NALF1: variants seen among roughly 807,000 people sequenced by gnomAD.
NALF1 encodes NALCN channel auxiliary factor 1, also known as family with sequence similarity 155 member A.
In NALF1, 3 loss-of-function variants were observed where a neutral mutation model predicts 48.4. That is an observed-to-expected ratio of 0.06 (90% CI 0.03 to 0.16). NALF1 has a LOEUF of 0.16. Among genes scored for constraint, NALF1 ranks in the 10% least tolerant of loss-of-function variants. The pLI is 1.00. For synonymous variants in NALF1, 262 were observed against 245.7 expected (o/e 1.07, Z -0.62); for missense variants, 526 against 571.5 (o/e 0.92, Z 0.81).
chr13:107,309,531 A>G (rs549835896), intron 1 of NALF1, among the ~76,000 whole-genome samples: 2 of 152,306 alleles, frequency 1.3e-5, no homozygotes, highest in Non-Finnish European at 2.9e-5. Context: ...CTGACATTTA[A>G]TCAACTAGCA....
intron 1 of NALF1, among the ~76,000 whole-genome samples, chr13:107,469,733 C>CTTTTTTTTTTTTTTTTTTTTTT (rs61241553): frequency 1.3e-5 from 1 of 79,970 alleles, no homozygotes; most frequent in African/African-American, 5.3e-5. Context: ...AACTGTGTAT[C>CTTTTTTTTTTTTTTTTTTTTTT]TTTTTTTTTT....
intron 1 of NALF1, among the ~76,000 whole-genome samples, chr13:107,264,223 CTT>C (rs1880996981): frequency 1.3e-5 from 2 of 151,928 alleles, no homozygotes; most frequent in African/African-American, 4.9e-5. Context: ...ATATTGCCAA[CTT>C]AATAATTATC....
intron 1 of NALF1, among the ~76,000 whole-genome samples, chr13:107,447,645 A>T (rs968730384): frequency 6.6e-6 from 1 of 152,130 alleles, no homozygotes; most frequent in Non-Finnish European, 1.5e-5. Flanking sequence ...GGAAGCAGGC[A>T]CAGAAAGTAG....
Position 107,726,912 on chromosome 13 carries a change from CTTGTGTGT to C in NALF1, c.915+138762_915+138769del, listed in dbSNP as rs1316371159. ...AGACACCACGCCCGGCCGGCAAATT[CTTGTGTGT>C]GTGTGTGTGTGTGTGTGTGTGTGTG... On this transcript the variant is annotated intron_variant, in intron 1 of 2. Coordinates refer to ENST00000375915, the MANE Select transcript of NALF1 (RefSeq NM_001080396.3). Among the ~76,000 whole-genome samples the C allele has an allele frequency of 5.9e-4, 57 of 97,420 alleles. 1 individual carries two copies. The East Asian group carries it at 7.8e-3, about 13-fold the overall frequency. 63.9% of individuals were successfully genotyped at this position (97,420 alleles called of 152,430 possible).
chr13:107,670,779 T>C (rs548301601), intron 1 of NALF1, among the ~76,000 whole-genome samples: 2 of 152,266 alleles, frequency 1.3e-5, no homozygotes, highest in South Asian at 4.1e-4. Flanking sequence ...TAAGACGTTT[T>C]CTGAAAATTA....
chr13:107,243,558 A>G (rs1880520081), intron 1 of NALF1, among the ~76,000 whole-genome samples: 1 of 152,212 alleles, frequency 6.6e-6, no homozygotes, highest in African/African-American at 2.4e-5. Flanking sequence ...CTTTGTTGAT[A>G]CAGAATTCTT....
intron 1 of NALF1, among the ~76,000 whole-genome samples, chr13:107,680,746 T>TGA (rs76532053): frequency 0.86 from 129,172 of 149,588 alleles, 56,838 homozygotes; most frequent in Non-Finnish European, 0.94. Flanking sequence ...TGAATGTGCA[T>TGA]GAGTGTAAGA....
chr13:107,538,515 T>C (rs891832975), intron 1 of NALF1, among the ~76,000 whole-genome samples: 1 of 152,190 alleles, frequency 6.6e-6, no homozygotes, highest in African/African-American at 2.4e-5. Flanking sequence ...AGGACCTACA[T>C]GGAGTTCTAA....
intron 1 of NALF1, among the ~76,000 whole-genome samples, chr13:107,385,087 T>C (rs1461664912): frequency 6.6e-6 from 1 of 152,226 alleles, no homozygotes. Context: ...TTGGCACATA[T>C]TAAGGAGTAA....
intron 1 of NALF1, among the ~76,000 whole-genome samples, chr13:107,283,596 G>A (rs1436214805): frequency 1.3e-5 from 2 of 151,898 alleles, no homozygotes; most frequent in Non-Finnish European, 2.9e-5. Flanking sequence ...TCTGGTTCTG[G>A]ATGAAGCAGA....
In NALF1 at chr13:107,539,847, A is replaced by G. The variant is rs183015072; in HGVS notation, c.915+325835T>C. On this transcript the variant is annotated intron_variant, in intron 1 of 2. Coordinates refer to ENST00000375915, the MANE Select transcript of NALF1 (RefSeq NM_001080396.3). ...GACTCAAACTCAGTTCTATGACTCC[A>G]ATTCACAAATTCTTGACTAGTATGA... 7.8e-3 allele frequency among the ~76,000 whole-genome samples: 1,182 copies of G among 152,254 alleles called. 10 individuals are homozygous for G. The highest frequency in any genetic ancestry group is 0.012 in the Non-Finnish European group (834 of 68,004).
intron 1 of NALF1, among the ~76,000 whole-genome samples, chr13:107,784,778 G>A (rs1176139304): frequency 1.3e-5 from 2 of 152,118 alleles, no homozygotes; most frequent in Non-Finnish European, 2.9e-5. Context: ...GTGGCAATTA[G>A]GGAATCCTTC....
chr13:107,546,195 T>A (rs1877132427), intron 1 of NALF1, among the ~76,000 whole-genome samples: 1 of 152,110 alleles, frequency 6.6e-6, no homozygotes, highest in Non-Finnish European at 1.5e-5. Context: ...CCATTGCGAT[T>A]TATTCCATCC....
intron 1 of NALF1, among the ~76,000 whole-genome samples, chr13:107,638,491 C>G (rs1459969542): frequency 6.6e-6 from 1 of 151,930 alleles, no homozygotes; most frequent in Non-Finnish European, 1.5e-5. Context: ...GCGAATGAGG[C>G]AGAGGATGTC....
At chr13:107,308,338 AC>A in intron 1 of NALF1, among the ~76,000 whole-genome samples, 1 of 151,190 alleles carries the variant, frequency 6.6e-6, no homozygotes, top group Non-Finnish European at 1.5e-5. Context: ...AGTAGCTGGG[AC>A]TAAAGGTACC....
chr13:107,639,723 C>G (rs551661770), intron 1 of NALF1, among the ~76,000 whole-genome samples: 62 of 152,196 alleles, frequency 4.1e-4, no homozygotes, highest in Admixed American at 7.2e-4. Flanking sequence ...GAGCAAGTCT[C>G]AACTCAGGCA....
chr13:107,359,975 G>A (rs985089804), intron 1 of NALF1, among the ~76,000 whole-genome samples: 7 of 152,128 alleles, frequency 4.6e-5, no homozygotes, highest in Non-Finnish European at 7.4e-5. Flanking sequence ...GCACAAGGGA[G>A]AAATTGATTT....
chr13:107,268,219 A>G (rs943320286), intron 1 of NALF1, among the ~76,000 whole-genome samples: 6 of 151,762 alleles, frequency 4.0e-5, no homozygotes, highest in Non-Finnish European at 7.4e-5. Flanking sequence ...CAATCTCTTG[A>G]CCTCATGTTC....
chr13:107,660,929 G>C (rs949842570), intron 1 of NALF1, among the ~76,000 whole-genome samples: 3 of 151,848 alleles, frequency 2.0e-5, no homozygotes, highest in Admixed American at 2.0e-4. Context: ...TGTAAACCTA[G>C]AGTTTATCTA....
Sources: allele counts gnomAD v4.1 joint callset (sites outside exome capture counted in the v4.1 genomes callset), GRCh38; gene constraint gnomAD v4.1.1; transcripts MANE v1.5; gene names NCBI Gene and HGNC (gene_info 2026-07-23, HGNC 2026-07-21).